The following GPR155 variants were observed in gnomAD, a reference collection of about 807,000 sequenced individuals.
GPR155 encodes lysosomal cholesterol signaling protein.
Under a neutral mutation model 93.1 loss-of-function variants are expected in GPR155, and 65 were observed. That is an observed-to-expected ratio of 0.70 (90% CI 0.57 to 0.86). The LOEUF is 0.86. GPR155 is among the 40% of genes least tolerant of loss of function. GPR155 has a pLI of 0.00. For missense variants in GPR155, 838 were observed against 1,034.8 expected, an observed-to-expected ratio of 0.81 and a Z score of 2.61; for synonymous variants, 319 against 360.1, an observed-to-expected ratio of 0.89 and a Z score of 1.29.
chr2:174,481,363 G>C, intron 2 of GPR155, 134 bp downstream of exon 2: 1 of 585,438 alleles, frequency 1.7e-6, no homozygotes, highest in Non-Finnish European at 2.9e-6. Flanking sequence ...GAAAAACTAT[G>C]ATTCATCCTA....
chr2:174,443,422 A>C (rs951355847), intron 13 of GPR155, among the ~76,000 whole-genome samples: 1 of 152,212 alleles, frequency 6.6e-6, no homozygotes, highest in African/African-American at 2.4e-5. Flanking sequence ...TCTGTGGACT[A>C]ATATTCTGTA....
rs1400680044 is a variant in GPR155 at position 174,440,044 on chromosome 2, C to A, written c.2175-9G>T. 6.2e-7 allele frequency: 1 copy of A among 1,603,482 alleles called. No homozygotes were observed. Among genetic ancestry groups the A allele is most frequent in the South Asian group, 1.1e-5 (1 of 89,146 alleles). ...TCCATAGGAATTCAAGTCTGAAAATCAAATTTATGGCCATTTTTAAGGACA... is the reference window on the plus strand; with the variant it reads ...TCCATAGGAATTCAAGTCTGAAAATAAAATTTATGGCCATTTTTAAGGACA... On this transcript the variant is annotated splice_polypyrimidine_tract_variant and intron_variant, in intron 14 of 15. Coordinates refer to ENST00000392552, the MANE Select transcript of GPR155 (RefSeq NM_152529.7).
intron 11 of GPR155, among the ~76,000 whole-genome samples, chr2:174,449,688 AAAC>A (rs557426211): frequency 4.6e-5 from 7 of 152,090 alleles, no homozygotes; most frequent in Non-Finnish European, 1.0e-4. Flanking sequence ...CTAAAAAACT[AAAC>A]AAGTCCGGAT....
intron 5 of GPR155, among the ~76,000 whole-genome samples, chr2:174,467,653 A>G (rs1687877748): frequency 1.3e-5 from 2 of 152,142 alleles, no homozygotes; most frequent in Admixed American, 1.3e-4. Flanking sequence ...TATTTCCAAC[A>G]TATTGTCTCA....
intron 6 of GPR155, 150 bp downstream of exon 6, chr2:174,466,394 C>A: frequency 1.8e-6 from 1 of 548,316 alleles, no homozygotes; most frequent in Non-Finnish European, 3.3e-6. Flanking sequence ...ATATGTTAGG[C>A]GTATAGTAGT....
chr2:174,484,580 T>C lies in GPR155; in HGVS notation c.-32+2293A>G, dbSNP rs140077940. On this transcript the variant is annotated intron_variant, in intron 1 of 15. Coordinates refer to ENST00000392552, the MANE Select transcript of GPR155 (RefSeq NM_152529.7). ...CTGAGCTTTATGGTTTATCAACTCA[T>C]AAGTTACTTAGTCTTTCTGAACCTT... 8.8e-4 allele frequency among the ~76,000 whole-genome samples: 134 copies of C among 152,348 alleles called. 1 individual carries two copies. Among genetic ancestry groups the C allele is most frequent in the African/African-American group, 3.1e-3 (127 of 41,582 alleles).
intron 1 of GPR155, among the ~76,000 whole-genome samples, chr2:174,484,163 A>G (rs1304851643): frequency 6.6e-6 from 1 of 152,232 alleles, no homozygotes; most frequent in East Asian, 1.9e-4. Context: ...GTATTTTCCT[A>G]CTAGGATTAG....
At chr2:174,451,071 A>G (rs1452351420) in intron 11 of GPR155, among the ~76,000 whole-genome samples, 1 of 152,140 alleles carries the variant, frequency 6.6e-6, no homozygotes, top group South Asian at 2.1e-4. Flanking sequence ...GAACTTTGGG[A>G]GGCCGAGGTG....
At chr2:174,475,653 A>G (rs1688144918) in intron 2 of GPR155, among the ~76,000 whole-genome samples, 1 of 152,194 alleles carries the variant, frequency 6.6e-6, no homozygotes, top group African/African-American at 2.4e-5. Flanking sequence ...TAGTTATATA[A>G]AGTTAGTGGT....
chr2:174,465,207 T>C lies in GPR155; in HGVS notation c.1384+578A>G, dbSNP rs1687804403. The stretch of plus-strand genomic sequence containing the variant: ...ATGCCTTTTTATTCCCCTAGTTTTC[T>C]TCTTCTCTTATTACCTCTAATTCTT... On this transcript the variant is annotated intron_variant, in intron 7 of 15. Coordinates refer to ENST00000392552, the MANE Select transcript of GPR155 (RefSeq NM_152529.7). Among the ~76,000 whole-genome samples the C allele has an allele frequency of 3.3e-5, 5 of 152,334 alleles. No homozygotes were observed. The South Asian group carries it at 1.0e-3, about 32-fold the overall frequency.
At chr2:174,446,306 C>CAAA (rs1314559354) in intron 12 of GPR155, among the ~76,000 whole-genome samples, 8 of 8,576 alleles carry the variant, frequency 9.3e-4, no homozygotes, top group East Asian at 5.1e-3. Context: ...GACTCTGTCT[C>CAAA]AAAAAAAAAA....
At chr2:174,436,534 G>T in intron 15 of GPR155, 118 bp from the exon 16 acceptor site, 2 of 960,894 alleles carry the variant, frequency 2.1e-6, no homozygotes, top group Non-Finnish European at 3.1e-6. Flanking sequence ...GTAGTTACAA[G>T]CATAGCAGGA....
rs959938598 is a variant in GPR155, at chr2:174,434,759, C to A, written c.*1357G>T. On this transcript the variant is annotated 3_prime_UTR_variant, in exon 16 of 16. Coordinates refer to ENST00000392552, the MANE Select transcript of GPR155 (RefSeq NM_152529.7). ...TAGCTGGGACTACAGGCATGCACTA[C>A]CACACCTGGGTATTCTTTTTTCTTT... The A allele has an allele frequency of 6.6e-6, 1 of 151,460 alleles. No homozygotes were observed. The highest frequency in any genetic ancestry group is 2.4e-5 in the African/African-American group (1 of 41,160). The allele number at this position is 151,460 out of a possible 1,614,324, so 9.4% of individuals were successfully genotyped here.
chr2:174,442,121 T>C lies in GPR155; in HGVS notation c.2172A>G (p.Arg724=). 7.6e-7 allele frequency: 1 copy of C among 1,315,894 alleles called. No individual in the cohort carries two copies. Among genetic ancestry groups the C allele is most frequent in the South Asian group, 1.2e-5 (1 of 84,998 alleles). The allele number at this position is 1,315,894 out of a possible 1,614,324, so 81.5% of individuals were successfully genotyped here. The change falls in exon 14 of 16, where the codon AGA becomes AGG. Residue 724 remains arginine, a splice_region_variant and synonymous_variant. Transcript: ENST00000392552. ...DKHLIILPFK[R]RLEFLWNNKD... Reference sequence around the variant, plus strand: ...ATTTATTTCAAAACTTAATTTACCTTCTTTTGAAAGGCAGGATGATTAAAT... The same window carrying C: ...ATTTATTTCAAAACTTAATTTACCTCCTTTTGAAAGGCAGGATGATTAAAT...
chr2:174,479,878 C>G (rs1041581834), intron 2 of GPR155, among the ~76,000 whole-genome samples: 4 of 152,158 alleles, frequency 2.6e-5, no homozygotes, highest in Non-Finnish European at 5.9e-5. Flanking sequence ...TATCTAGTTT[C>G]TGACTATTTG....
intron 10 of GPR155, among the ~76,000 whole-genome samples, chr2:174,458,678 G>A (rs1028360803): frequency 2.6e-5 from 4 of 152,124 alleles, no homozygotes; most frequent in African/African-American, 9.7e-5. Flanking sequence ...ATAAATGAAT[G>A]AGCATGGCTA....
At position 174,448,529 on chromosome 2, in the gene GPR155, T is replaced by G. The variant is rs1687216010; in HGVS notation, c.1877-1782A>C. Among the ~76,000 whole-genome samples, 9 of 95,706 alleles carry G rather than the reference T, an allele frequency of 9.4e-5. No homozygotes were observed. In the Admixed American group the frequency reaches 9.8e-4, roughly 10 times the overall value. The allele number at this position is 95,706 out of a possible 152,430, so 62.8% of individuals were successfully genotyped here. On this transcript the variant is annotated intron_variant, in intron 11 of 15. Coordinates refer to ENST00000392552, the MANE Select transcript of GPR155 (RefSeq NM_152529.7). ...GGGAAGTTTTTTGTTTTTTGTTTTT[T>G]GTTTTTTTTTTTTTTTTTTGAGACG...
intron 7 of GPR155, among the ~76,000 whole-genome samples, chr2:174,463,962 A>G (rs1687770893): frequency 6.6e-6 from 1 of 152,214 alleles, no homozygotes; most frequent in African/African-American, 2.4e-5. Flanking sequence ...TACACTGTGT[A>G]GTTGCAGTGC....
chr2:174,448,554 G>T (rs866892847), intron 11 of GPR155, among the ~76,000 whole-genome samples: 2 of 122,866 alleles, frequency 1.6e-5, no homozygotes, highest in African/African-American at 3.1e-5. Flanking sequence ...TTTTTGAGAC[G>T]GAGTCTCGCT....
Sources: gnomAD v4.1 joint callset for allele counts (sites outside exome capture counted in the v4.1 genomes callset) on GRCh38, gnomAD v4.1.1 for gene constraint, MANE v1.5 for transcripts, NCBI Gene and HGNC (gene_info 2026-07-23, HGNC 2026-07-21) for gene names.